The following SDK1 variants were observed in gnomAD, a reference collection of about 807,000 sequenced individuals.
The protein encoded by SDK1 is protein sidekick-1.
In SDK1, 157 loss-of-function variants were observed where a neutral mutation model predicts 245.5. The observed-to-expected ratio is 0.64, with a 90% confidence interval of 0.56 to 0.73. The LOEUF is 0.73. Ranked by LOEUF, SDK1 falls within the 30% of genes least tolerant of loss-of-function variation. SDK1 has a pLI of 0.00. For missense variants in SDK1, 3,583 were observed against 3,002.3 expected, an observed-to-expected ratio of 1.19 and a Z score of -4.52; for synonymous variants, 1,647 against 1,278.5, an observed-to-expected ratio of 1.29 and a Z score of -6.15.
At chr7:3,555,939 G>A (rs1779574024) in intron 1 of SDK1, among the ~76,000 whole-genome samples, 1 of 152,126 alleles carries the variant, frequency 6.6e-6, no homozygotes, top group African/African-American at 2.4e-5. Context: ...AGAATGTGGA[G>A]AAAAGGGAAT....
At chr7:3,534,952 G>A (rs1220200732) in intron 1 of SDK1, among the ~76,000 whole-genome samples, 3 of 152,124 alleles carry the variant, frequency 2.0e-5, no homozygotes, top group Admixed American at 6.5e-5. Flanking sequence ...TGCATAATAA[G>A]ATTAGGGTGG....
At chr7:3,557,509 G>T (rs1430574585) in intron 1 of SDK1, among the ~76,000 whole-genome samples, 1 of 152,180 alleles carries the variant, frequency 6.6e-6, no homozygotes, top group Non-Finnish European at 1.5e-5. Flanking sequence ...TCTTGATGTG[G>T]TGATGGACAC....
chr7:3,779,466 A>G (rs985948159), intron 4 of SDK1, among the ~76,000 whole-genome samples: 3 of 152,000 alleles, frequency 2.0e-5, no homozygotes, highest in African/African-American at 7.2e-5. Flanking sequence ...TTTTAAAAAA[A>G]AAAAACAAGG....
At chr7:3,347,067 C>G (rs2128556536) in intron 1 of SDK1, among the ~76,000 whole-genome samples, 1 of 151,548 alleles carries the variant, frequency 6.6e-6, no homozygotes, top group South Asian at 2.1e-4. Context: ...TTGCTGTTCC[C>G]TGAAAGACTT....
chr7:4,049,722 A>G (rs988596623), intron 18 of SDK1, among the ~76,000 whole-genome samples: 26 of 152,338 alleles, frequency 1.7e-4, no homozygotes, highest in African/African-American at 6.3e-4. Context: ...TCATTTTTAA[A>G]TGGTGGGTGG....
rs776278140 is a variant in SDK1 at position 4,051,760 on chromosome 7, C to T, written c.2841C>T (p.Ser947=). The T allele has an allele frequency of 2.0e-5, 33 of 1,613,882 alleles. No homozygotes were observed. The highest frequency in any genetic ancestry group is 2.4e-5 in the Non-Finnish European group (28 of 1,179,966). The change falls in exon 19 of 45, where the codon TCC becomes TCT. Residue 947 remains serine (S), a synonymous_variant. Transcript: ENST00000404826. The part of the protein sequence containing the change: ...NLKKFTAYFT[S]VLCFTTPGDG... ...AGAAGTTTACCGCCTACTTCACTTCCGTTCTGTGCTTCACCACCCCTGGGG... is the reference window on the plus strand; with the variant it reads ...AGAAGTTTACCGCCTACTTCACTTCTGTTCTGTGCTTCACCACCCCTGGGG...
chr7:4,175,911 A>ACTG, intron 34 of SDK1, 77 bp downstream of exon 34: 2 of 1,302,592 alleles, frequency 1.5e-6, no homozygotes, highest in Non-Finnish European at 2.2e-6. Flanking sequence ...CTCTCAGTGC[A>ACTG]AGGGAAAACC....
intron 4 of SDK1, among the ~76,000 whole-genome samples, chr7:3,816,494 AT>A (rs1562464943): frequency 6.6e-6 from 1 of 150,814 alleles, no homozygotes; most frequent in African/African-American, 2.5e-5. Flanking sequence ...TAGAAAATCT[AT>A]AAGAAATGGA....
At chr7:3,619,020 G>A (rs953237913) in intron 1 of SDK1, 60 bp from the exon 2 acceptor site, 7 of 1,284,980 alleles carry the variant, frequency 5.4e-6, no homozygotes, top group East Asian at 5.2e-5. Context: ...TATTAAATTA[G>A]ATGAGTGCCA....
chr7:3,396,270 T>C (rs1781894502), intron 1 of SDK1, among the ~76,000 whole-genome samples: 1 of 151,918 alleles, frequency 6.6e-6, no homozygotes, highest in South Asian at 2.1e-4. Context: ...TTATACGATT[T>C]TAATCCTTTT....
intron 4 of SDK1, among the ~76,000 whole-genome samples, chr7:3,730,321 C>T (rs766225112): frequency 6.6e-6 from 1 of 152,192 alleles, no homozygotes; most frequent in Non-Finnish European, 1.5e-5. Context: ...AGGAATCTGA[C>T]AGCCGAGGCA....
At chr7:3,537,113 T>A (rs1369987626) in intron 1 of SDK1, among the ~76,000 whole-genome samples, 1 of 152,222 alleles carries the variant, frequency 6.6e-6, no homozygotes, top group Non-Finnish European at 1.5e-5. Context: ...CTTAAATCCC[T>A]GTTATCCCTC....
intron 23 of SDK1, among the ~76,000 whole-genome samples, chr7:4,113,024 A>C (rs1783448281): frequency 6.6e-6 from 1 of 151,874 alleles, no homozygotes; most frequent in African/African-American, 2.4e-5. Flanking sequence ...CAGCCTCCCT[A>C]AGTGCTGGGA....
chr7:3,740,511 A>G (rs1358367236), intron 4 of SDK1, among the ~76,000 whole-genome samples: 1 of 152,190 alleles, frequency 6.6e-6, no homozygotes, highest in Non-Finnish European at 1.5e-5. Flanking sequence ...TTTAGGTCAG[A>G]TACAGGCAAG....
intron 1 of SDK1, among the ~76,000 whole-genome samples, chr7:3,566,338 C>G (rs951664800): frequency 6.6e-6 from 1 of 151,224 alleles, no homozygotes; most frequent in African/African-American, 2.4e-5. Flanking sequence ...CATTCTCCTG[C>G]CTCAGCCTCC....
At chr7:4,051,568 CT>C in intron 18 of SDK1, 69 bp from the exon 19 acceptor site, 19 of 1,309,126 alleles carry the variant, frequency 1.5e-5, no homozygotes, top group Non-Finnish European at 1.9e-5. Context: ...AAATAAAATT[CT>C]GCTGCAGACA....
At chr7:3,352,413 G>T (rs1780683994) in intron 1 of SDK1, among the ~76,000 whole-genome samples, 1 of 152,134 alleles carries the variant, frequency 6.6e-6, no homozygotes, top group Non-Finnish European at 1.5e-5. Context: ...CCTGCTGGTA[G>T]CAGGGAGGGT....
At chr7:3,751,067 C>G (rs1487972491) in intron 4 of SDK1, among the ~76,000 whole-genome samples, 3 of 152,210 alleles carry the variant, frequency 2.0e-5, no homozygotes, top group Non-Finnish European at 4.4e-5. Flanking sequence ...ACCCTGCAGC[C>G]ACTGTCACAA....
intron 38 of SDK1, among the ~76,000 whole-genome samples, chr7:4,211,166 G>A (rs192585957): frequency 1.2e-4 from 18 of 152,292 alleles, no homozygotes; most frequent in African/African-American, 4.3e-4. Flanking sequence ...GTGTCACGAT[G>A]GAAAGAAGCT....
Sources: allele counts gnomAD v4.1 joint callset (sites outside exome capture counted in the v4.1 genomes callset), GRCh38; gene constraint gnomAD v4.1.1; transcripts MANE v1.5; gene names NCBI Gene and HGNC (gene_info 2026-07-23, HGNC 2026-07-21).